Variants in SPATA31D1 observed in about 807,000 individuals in gnomAD.
The protein encoded by SPATA31D1 is spermatogenesis-associated protein 31D1.
SPATA31D1 carries 6 observed loss-of-function variants against 13.2 expected under a neutral mutation model. The observed-to-expected ratio is 0.46, with a 90% CI of 0.25 to 0.90. SPATA31D1 has a LOEUF of 0.90. SPATA31D1 is among the 40% of genes least tolerant of loss of function. The probability of loss-of-function intolerance (pLI) is 0.18; values close to 1 mark genes in which losing one functional copy is unlikely to be tolerated. For missense variants in SPATA31D1, 2,445 were observed against 1,884.7 expected, an observed-to-expected ratio of 1.30 and a Z score of -5.50; for synonymous variants, 903 against 718.8, an observed-to-expected ratio of 1.26 and a Z score of -4.10.
rs754531775 is a variant in SPATA31D1 at position 81,993,805 on chromosome 9, G to A, written c.3335G>A (p.Ser1112Asn). 5 of 1,614,030 alleles carry A rather than the reference G, an allele frequency of 3.1e-6. No homozygotes were observed. Among genetic ancestry groups the A allele is most frequent in the Middle Eastern group, 1.6e-4 (1 of 6,062 alleles). Residue 1112 changes from serine to asparagine, a missense_variant, in exon 4 of 4, where the codon AGC (serine) becomes AAC (asparagine). Coordinates refer to ENST00000344803, the MANE Select transcript of SPATA31D1 (RefSeq NM_001001670.3). ...QKQTVLASRCSAELPIMQAGA... is the reference protein window; with the variant it reads ...QKQTVLASRCNAELPIMQAGA... ...CAGACTGTACTGGCCAGTAGATGCA[G>A]CGCAGAGCTGCCCATAATGCAAGCT...
chr9:81,990,542 C>G, intron 3 of SPATA31D1, 56 bp downstream of exon 3: 4 of 1,497,904 alleles, frequency 2.7e-6, no homozygotes, highest in Non-Finnish European at 3.6e-6. Context: ...TTCTTTAGTA[C>G]GTTCTATTCA....
At chr9:81,988,143 T>C (rs1436950475), upstream of SPATA31D1, among the ~76,000 whole-genome samples, 3 of 152,232 alleles carry the variant, frequency 2.0e-5, no homozygotes, top group African/African-American at 7.2e-5. Context: ...TCCTGTCTTA[T>C]TGTTCGTTAA....
rs1176835289 is a variant in SPATA31D1 at position 81,990,444 on chromosome 9, G to A, written c.260G>A (p.Arg87Lys). 8.1e-6 allele frequency: 13 copies of A among 1,609,034 alleles called. No individual in the cohort carries two copies. The highest frequency in any genetic ancestry group is 2.2e-5 in the East Asian group (1 of 44,812). ...TTCCCAGACTGGAAAAGTTTCCAGA[G>A]AGAAGAGGAAGAGGAAAGGAAGCTG... ...KGFPDWKSFQ[R>K]EEEEERKLLS... Residue 87 changes from arginine (R) to lysine (K), a missense_variant, in exon 3 of 4, where the codon AGA becomes AAA. Physicochemically the swap from Arg to Lys is conservative, Grantham distance 26. Coordinates refer to ENST00000344803, the MANE Select transcript of SPATA31D1 (RefSeq NM_001001670.3).
Position 81,993,728 on chromosome 9 carries a change from A to G in SPATA31D1, c.3258A>G (p.Arg1086=). The G allele has an allele frequency of 6.2e-7, 1 of 1,614,002 alleles. No individual in the cohort carries two copies. The highest frequency in any genetic ancestry group is 8.5e-7 in the Non-Finnish European group (1 of 1,179,884). ...GTGTCCGGACAACAGAGGATGGCAG[A>G]CAGACTTTTCTGCCCCCGCCACACA... ...TESVRTTEDG[R]QTFLPPPHSI... The change falls in exon 4 of 4, where the codon AGA becomes AGG. Residue 1086 remains arginine (R), a synonymous_variant. Coordinates refer to ENST00000344803, the MANE Select transcript of SPATA31D1 (RefSeq NM_001001670.3).
chr9:81,991,819 C>T lies in SPATA31D1; in HGVS notation c.1349C>T (p.Ser450Phe), dbSNP rs1824971588. ...CTTAGGCCAAACTACCAACTAAATTCCTCACGGAATATGTTAACCTCAATT... is the reference window on the plus strand; with the variant it reads ...CTTAGGCCAAACTACCAACTAAATTTCTCACGGAATATGTTAACCTCAATT... ...KQLRPNYQLN[S>F]SRNMLTSIAV... The change falls in exon 4 of 4, where the codon TCC becomes TTC. Residue 450 changes from serine to phenylalanine, a missense_variant. By Grantham distance (155) the Ser-to-Phe change is radical (BLOSUM62 -2). Coordinates refer to ENST00000344803, the MANE Select transcript of SPATA31D1 (RefSeq NM_001001670.3). 6.2e-7 allele frequency: 1 copy of T among 1,613,800 alleles called. No homozygotes were observed. The highest frequency in any genetic ancestry group is 8.5e-7 in the Non-Finnish European group (1 of 1,179,724).
At position 81,994,350 on chromosome 9, in the gene SPATA31D1, G is replaced by T; in HGVS notation, c.3880G>T (p.Val1294Leu). ...GAATTTCCCACCAGCTGTAAACAGA[G>T]TGAGTCCTGTGAGACCCAAAGGAGG... ...VTNFPPAVNR[V>L]SPVRPKGGEL... The change falls in exon 4 of 4, where the codon GTG becomes TTG. Residue 1294 changes from valine to leucine, a missense_variant. By Grantham distance (32) the Val-to-Leu change is conservative. Transcript: ENST00000344803. The T allele has an allele frequency of 1.2e-6, 2 of 1,613,938 alleles. No homozygotes were observed. The highest frequency in any genetic ancestry group is 1.7e-6 in the Non-Finnish European group (2 of 1,179,860).
intron 1 of SPATA31D1, among the ~76,000 whole-genome samples, 199 bp from the exon 2 acceptor site, chr9:81,989,579 T>A (rs1350489345): frequency 6.6e-6 from 1 of 152,186 alleles, no homozygotes; most frequent in Non-Finnish European, 1.5e-5. Flanking sequence ...CAGCAAAATC[T>A]TCTTTGAGGA....
chr9:81,994,941 C>G lies in SPATA31D1; in HGVS notation c.4471C>G (p.Gln1491Glu). 1 of 1,613,976 alleles carries G rather than the reference C, an allele frequency of 6.2e-7. No individual in the cohort carries two copies. The highest frequency in any genetic ancestry group is 2.2e-5 in the East Asian group (1 of 44,846). The stretch of plus-strand genomic sequence containing the variant: ...CCAGAATTATCCTACAAGGATTAGA[C>G]AGATCATAGACAAGGACAGACAGCC... ...VGQNYPTRIR[Q>E]IIDKDRQPQK... The change falls in exon 4 of 4, where the codon CAG becomes GAG. Residue 1491 changes from glutamine (Q) to glutamate (E), a missense_variant. Transcript: ENST00000344803.
chr9:81,994,668 A>G lies in SPATA31D1; in HGVS notation c.4198A>G (p.Thr1400Ala). The change falls in exon 4 of 4, where the codon ACT becomes GCT. Residue 1400 changes from threonine (T) to alanine (A), a missense_variant. Transcript: ENST00000344803. ...RVIRAAFTGT[T>A]EAQKIRKDTR... is the part of the protein sequence containing the mutation. ...TATAAGAGCTGCCTTTACTGGGACT[A>G]CTGAAGCTCAGAAAATTAGGAAAGA... The G allele has an allele frequency of 1.2e-6, 2 of 1,613,602 alleles. No homozygotes were observed. Among genetic ancestry groups the G allele is most frequent in the South Asian group, 1.1e-5 (1 of 91,006 alleles).
At position 81,993,547 on chromosome 9, in the gene SPATA31D1, G is replaced by GA. The variant is rs778180898; in HGVS notation, c.3079dup (p.Arg1027LysfsTer44). On this transcript the variant is annotated frameshift_variant, in exon 4 of 4. Transcript: ENST00000344803. LOFTEE classifies it low-confidence loss of function (END_TRUNC). Reference sequence around the variant, plus strand: ...AAAGACGGGGCCTCCACATCCCTTAGAAGAGGTACTACAGATTTTCAAAGC... The same window carrying GA: ...AAAGACGGGGCCTCCACATCCCTTAGAAAGAGGTACTACAGATTTTCAAAGC... 1 of 1,613,644 alleles carries GA rather than the reference G, an allele frequency of 6.2e-7. No homozygotes were observed. Among genetic ancestry groups the GA allele is most frequent in the Admixed American group, 1.7e-5 (1 of 59,992 alleles).
At position 81,994,473 on chromosome 9, in the gene SPATA31D1, A is replaced by C. The variant is rs771190858; in HGVS notation, c.4003A>C (p.Lys1335Gln). 1 of 1,613,454 alleles carries C rather than the reference A, an allele frequency of 6.2e-7. No homozygotes were observed. ...NKTSGEVLGS[K>Q]SSPTLKTQPP... ...GACATCAGGGGAGGTGCTTGGGAGCAAATCTTCCCCAACCTTGAAAACACA... is the reference window on the plus strand; with the variant it reads ...GACATCAGGGGAGGTGCTTGGGAGCCAATCTTCCCCAACCTTGAAAACACA... The change falls in exon 4 of 4, where the codon AAA (lysine) becomes CAA (glutamine). Residue 1335 changes from lysine (K) to glutamine (Q), a missense_variant. Lys to Gln is a moderately conservative substitution (Grantham distance 53). Transcript: ENST00000344803.
Position 81,993,472 on chromosome 9 carries a change from T to G in SPATA31D1, c.3002T>G (p.Leu1001Arg). Residue 1001 changes from leucine (L) to arginine (R), a missense_variant, in exon 4 of 4, where the codon CTG becomes CGG. By Grantham distance (102) the Leu-to-Arg change is moderately radical. Transcript: ENST00000344803. ...GTCGTCCAAGAAGGGCAGGGGACCC[T>G]GAGAAGACAATTTTCTGATACTGAC... ...SPVVQEGQGT[L>R]RRQFSDTDHD... 1 of 1,613,884 alleles carries G rather than the reference T, an allele frequency of 6.2e-7. No individual in the cohort carries two copies. The highest frequency in any genetic ancestry group is 8.5e-7 in the Non-Finnish European group (1 of 1,179,864).
Position 81,992,370 on chromosome 9 carries a change from G to T in SPATA31D1, c.1900G>T (p.Glu634Ter). The change falls in exon 4 of 4, where the codon GAA becomes TAA. Residue 634 changes from glutamate (E) to a stop codon, truncating the protein, a stop_gained. Coordinates refer to ENST00000344803, the MANE Select transcript of SPATA31D1 (RefSeq NM_001001670.3). LOFTEE classifies it low-confidence loss of function (END_TRUNC). ...GTGGAACGTGTTGCAGAAAGTGCAG[G>T]AAAGTTTGTGGGGCTTACCCTCTGT... Reference protein sequence around the residue: ...LEWNVLQKVQESLWGLPSVVQ... With the variant: ...LEWNVLQKVQ The T allele has an allele frequency of 3.7e-6, 6 of 1,613,808 alleles. No individual in the cohort carries two copies. The highest frequency in any genetic ancestry group is 5.1e-6 in the Non-Finnish European group (6 of 1,179,734).
Position 81,993,893 on chromosome 9 carries a change from G to A in SPATA31D1, c.3423G>A (p.Gln1141=), listed in dbSNP as rs199831528. ...KSSFHNVDRL[Q]GSRKTFPVTN... is the part of the protein sequence containing the mutation. ...CCTTTCATAATGTAGACAGGCTTCA[G>A]GGCAGTAGAAAGACCTTTCCTGTCA... The change falls in exon 4 of 4, where the codon CAG becomes CAA. Residue 1141 remains glutamine, a synonymous_variant. Transcript: ENST00000344803. 2 of 1,613,948 alleles carry A rather than the reference G, an allele frequency of 1.2e-6. No homozygotes were observed. The highest frequency in any genetic ancestry group is 2.2e-5 in the East Asian group (1 of 44,864).
Position 81,993,146 on chromosome 9 carries a change from T to G in SPATA31D1, c.2676T>G (p.Ile892Met), listed in dbSNP as rs913732162. Residue 892 changes from isoleucine to methionine, a missense_variant, in exon 4 of 4, where the codon ATT becomes ATG. Ile to Met is a conservative substitution (Grantham distance 10). Coordinates refer to ENST00000344803, the MANE Select transcript of SPATA31D1 (RefSeq NM_001001670.3). ...EDHCVDTSQE[I>M]SFLSSNKQKM... is the part of the protein sequence containing the mutation. ...ACTGCGTTGATACTTCCCAGGAAAT[T>G]TCCTTCCTTAGTTCCAACAAACAAA... 7.4e-6 allele frequency: 12 copies of G among 1,613,810 alleles called. No individual in the cohort carries two copies. The highest frequency in any genetic ancestry group is 1.3e-5 in the African/African-American group (1 of 74,916).
At position 81,994,418 on chromosome 9, in the gene SPATA31D1, C is replaced by T. The variant is rs749863723; in HGVS notation, c.3948C>T (p.Arg1316=). 1.2e-6 allele frequency: 2 copies of T among 1,613,824 alleles called. No homozygotes were observed. Among genetic ancestry groups the T allele is most frequent in the Non-Finnish European group, 1.7e-6 (2 of 1,179,824 alleles). ...GGDAGLGTSQ[R]RRKSLPVHNK... is the part of the protein sequence containing the mutation. ...ATGCAGGGCTGGGGACATCCCAACG[C>T]AGGAGAAAGAGCCTCCCTGTTCATA... is the stretch of plus-strand genomic sequence containing the variant. The change falls in exon 4 of 4, where the codon CGC becomes CGT. Residue 1316 remains arginine (R), a synonymous_variant. Coordinates refer to ENST00000344803, the MANE Select transcript of SPATA31D1 (RefSeq NM_001001670.3).
At position 81,990,851 on chromosome 9, in the gene SPATA31D1, C is replaced by A. The variant is rs1406387995; in HGVS notation, c.381C>A (p.Asp127Glu). 2 of 1,613,948 alleles carry A rather than the reference C, an allele frequency of 1.2e-6. No homozygotes were observed. Among genetic ancestry groups the A allele is most frequent in the Non-Finnish European group, 1.7e-6 (2 of 1,179,882 alleles). ...ACTTTCGTCGACTGTTATGCCCAGACCCCGTCTGTCGGGTGTGTAAGAGAG... is the reference window on the plus strand; with the variant it reads ...ACTTTCGTCGACTGTTATGCCCAGAACCCGTCTGTCGGGTGTGTAAGAGAG... ...TNHFRRLLCPDPVCRVCKRAT... is the reference protein window; with the variant it reads ...TNHFRRLLCPEPVCRVCKRAT... The change falls in exon 4 of 4, where the codon GAC becomes GAA. Residue 127 changes from aspartate to glutamate, a missense_variant. Physicochemically the swap from Asp to Glu is conservative, Grantham distance 45. Coordinates refer to ENST00000344803, the MANE Select transcript of SPATA31D1 (RefSeq NM_001001670.3).
chr9:81,990,100 C>T, intron 2 of SPATA31D1: 1 of 518,952 alleles, frequency 1.9e-6, no homozygotes, highest in South Asian at 2.9e-5. Flanking sequence ...TGCTGGTGGG[C>T]TTGGAGTCAG....
rs751708255 is a variant in SPATA31D1, at chr9:81,991,189, C to A, written c.719C>A (p.Pro240His). 3.1e-6 allele frequency: 5 copies of A among 1,613,796 alleles called. No homozygotes were observed. The highest frequency in any genetic ancestry group is 1.1e-5 in the South Asian group (1 of 91,084). Residue 240 changes from proline (P) to histidine (H), a missense_variant, in exon 4 of 4, where the codon CCC (proline) becomes CAC (histidine). Coordinates refer to ENST00000344803, the MANE Select transcript of SPATA31D1 (RefSeq NM_001001670.3). ...AAGTTCCCCATAGACCATTCCCCAC[C>A]CCAACAGCTTCCCTTTCCCCTTCTC... is the stretch of plus-strand genomic sequence containing the variant. ...DSKFPIDHSP[P>H]QQLPFPLLPP...
Sources: gnomAD v4.1 joint callset for allele counts (sites outside exome capture counted in the v4.1 genomes callset) on GRCh38, gnomAD v4.1.1 for gene constraint, MANE v1.5 for transcripts, NCBI Gene and HGNC (gene_info 2026-07-23, HGNC 2026-07-21) for gene names.